ELSPBP1: variants seen among roughly 807,000 people sequenced by gnomAD.
ELSPBP1 encodes the protein epididymal sperm binding protein 1.
ELSPBP1 carries 38 observed loss-of-function variants against 33.3 expected under a neutral mutation model. That is an observed-to-expected ratio of 1.14 (90% confidence interval 0.88 to 1.50). The LOEUF (loss-of-function observed/expected upper bound fraction) is 1.50, where lower values mean the gene tolerates loss of function less well. Ranked by LOEUF, ELSPBP1 falls within the 40% of genes most tolerant of loss-of-function variation. The pLI, the probability that ELSPBP1 is intolerant of heterozygous loss-of-function variation, is 0.00. For synonymous variants in ELSPBP1, 85 were observed against 94.1 expected, an observed-to-expected ratio of 0.90 and a Z score of 0.56; for missense variants, 267 against 263.5, an observed-to-expected ratio of 1.01 and a Z score of -0.09.
intron 1 of ELSPBP1, among the ~76,000 whole-genome samples, chr19:48,002,723 C>T (rs1268984765): frequency 6.6e-6 from 1 of 152,138 alleles, no homozygotes; most frequent in Non-Finnish European, 1.5e-5. Context: ...ACCGGGGAGG[C>T]GGAGGTTGCA....
chr19:48,022,393 A>T (rs993704566), intron 6 of ELSPBP1, 59 bp downstream of exon 6: 2 of 1,448,906 alleles, frequency 1.4e-6, no homozygotes, highest in African/African-American at 2.9e-5. Context: ...CAGGTGCACA[A>T]CTGGTGTGTC....
At chr19:48,018,466 A>C (rs912955428) in intron 4 of ELSPBP1, among the ~76,000 whole-genome samples, 13 of 152,168 alleles carry the variant, frequency 8.5e-5, no homozygotes, top group Non-Finnish European at 1.0e-4. Flanking sequence ...CTTACCATCT[A>C]TGTGATCTTG....
chr19:48,021,813 C>T (rs78268341), intron 5 of ELSPBP1, among the ~76,000 whole-genome samples: 2 of 152,142 alleles, frequency 1.3e-5, no homozygotes, highest in East Asian at 1.9e-4. Context: ...GTGGTGCAAT[C>T]ATGGCTCAAT....
At chr19:47,998,425 A>AAATC (rs1033846315) in intron 1 of ELSPBP1, among the ~76,000 whole-genome samples, 19 of 151,796 alleles carry the variant, frequency 1.3e-4, no homozygotes, top group East Asian at 3.9e-4. Context: ...AAAAGAAAAA[A>AAATC]AATCAATCAA....
chr19:48,012,388 G>C (rs1484309775), intron 2 of ELSPBP1, among the ~76,000 whole-genome samples: 2 of 152,054 alleles, frequency 1.3e-5, no homozygotes, highest in Non-Finnish European at 2.9e-5. Flanking sequence ...AAAGTGCTGG[G>C]ATTACAGGCA....
At chr19:48,021,006 G>C (rs1967194107) in intron 5 of ELSPBP1, among the ~76,000 whole-genome samples, 2 of 152,154 alleles carry the variant, frequency 1.3e-5, no homozygotes, top group Non-Finnish European at 2.9e-5. Context: ...AGCAAAAATT[G>C]AGACCCATTT....
rs528582517 is a variant in ELSPBP1, at chr19:48,013,546, G to A, written c.71-625G>A. 5.3e-5 allele frequency among the ~76,000 whole-genome samples: 8 copies of A among 152,078 alleles called. No homozygotes were observed. The East Asian group carries it at 5.8e-4, about 11-fold the overall frequency. On this transcript the variant is annotated intron_variant, in intron 2 of 6. Coordinates refer to ENST00000339841, the MANE Select transcript of ELSPBP1 (RefSeq NM_022142.5). ...AGCCTGGCCAACATGGCAAAACCCC[G>A]TCTCTACTAAAAATACAAAAATTTG...
chr19:47,995,644 C>T (rs1343467815), intron 1 of ELSPBP1, among the ~76,000 whole-genome samples: 2 of 152,114 alleles, frequency 1.3e-5, no homozygotes, highest in African/African-American at 4.8e-5. Flanking sequence ...GATCTGGGGT[C>T]ATTTGCTGCT....
In ELSPBP1 at chr19:48,011,947, G is replaced by C. The variant is rs1374923855; in HGVS notation, c.71-2224G>C. Among the ~76,000 whole-genome samples the C allele has an allele frequency of 6.6e-6, 1 of 152,070 alleles. No individual in the cohort carries two copies. The highest frequency in any genetic ancestry group is 1.9e-4 in the East Asian group (1 of 5,198). On this transcript the variant is annotated intron_variant, in intron 2 of 6. Coordinates refer to ENST00000339841, the MANE Select transcript of ELSPBP1 (RefSeq NM_022142.5). The surrounding 1 kb of genome is among the most constrained non-coding windows in gnomAD (Gnocchi z 4.5). ...TGAAAAATGCAATGAACTAACAGTT[G>C]AGCAAGTTGAGCTCTCATCCCAGGT...
intron 1 of ELSPBP1, among the ~76,000 whole-genome samples, chr19:48,005,270 G>A (rs553549548): frequency 6.6e-6 from 1 of 152,170 alleles, no homozygotes; most frequent in Non-Finnish European, 1.5e-5. Flanking sequence ...GTAGAGGAGA[G>A]AGGCTGGAGG....
At chr19:48,023,529 G>GGGGC (rs143871056) in intron 6 of ELSPBP1, among the ~76,000 whole-genome samples, 2 of 106,890 alleles carry the variant, frequency 1.9e-5, no homozygotes, top group Admixed American at 9.6e-5. Context: ...GGAAGGAAGG[G>GGGGC]AGGAAGGAAA....
intron 3 of ELSPBP1, 132 bp downstream of exon 3, chr19:48,014,440 C>A: frequency 1.0e-6 from 1 of 959,866 alleles, no homozygotes; most frequent in Non-Finnish European, 1.4e-6. Context: ...GTAGAAAAGG[C>A]TCTGGGTTTT....
Position 47,995,309 on chromosome 19 carries a change from T to C in ELSPBP1, c.-18+498T>C, listed in dbSNP as rs1032990691. ...GGGTTAAACCAGATTCTATGAATGA[T>C]GTAATGCTAAGGAAGGTTGCCTGAA... On this transcript the variant is annotated intron_variant, in intron 1 of 6. Coordinates refer to ENST00000339841, the MANE Select transcript of ELSPBP1 (RefSeq NM_022142.5). Among the ~76,000 whole-genome samples the C allele has an allele frequency of 2.6e-5, 4 of 152,290 alleles. No homozygotes were observed. In the East Asian group the frequency reaches 5.8e-4, roughly 22 times the overall value.
intron 1 of ELSPBP1, among the ~76,000 whole-genome samples, chr19:48,002,742 A>G (rs1346649310): frequency 2.0e-5 from 3 of 152,236 alleles, no homozygotes; most frequent in African/African-American, 7.2e-5. Context: ...CAGTGAGCTA[A>G]GATCGTGCCA....
intron 2 of ELSPBP1, among the ~76,000 whole-genome samples, chr19:48,009,535 C>T (rs1967056609): frequency 1.3e-5 from 2 of 152,216 alleles, no homozygotes; most frequent in South Asian, 4.1e-4. Context: ...GTGAGTCATT[C>T]TTCACAATTA....
intron 1 of ELSPBP1, among the ~76,000 whole-genome samples, chr19:47,995,949 T>C (rs1173827988): frequency 6.6e-6 from 1 of 152,224 alleles, no homozygotes; most frequent in Non-Finnish European, 1.5e-5. Flanking sequence ...GGCTGTGGGC[T>C]AAGCTGCCTC....
At chr19:48,005,285 A>C (rs1967006656) in intron 1 of ELSPBP1, among the ~76,000 whole-genome samples, 2 of 152,190 alleles carry the variant, frequency 1.3e-5, no homozygotes, top group Non-Finnish European at 2.9e-5. Flanking sequence ...TGGAGGCTGC[A>C]TATCAGTGAG....
chr19:47,995,228 T>C (rs1839342960), intron 1 of ELSPBP1, among the ~76,000 whole-genome samples: 1 of 150,920 alleles, frequency 6.6e-6, no homozygotes, highest in Admixed American at 6.6e-5. Flanking sequence ...CCAGAGAAAG[T>C]AGGGAAGGTG....
chr19:48,024,072 CG>C (rs1967245021), intron 6 of ELSPBP1, among the ~76,000 whole-genome samples: 1 of 144,814 alleles, frequency 6.9e-6, no homozygotes, highest in Admixed American at 7.1e-5. Flanking sequence ...TTAGTAGAGA[CG>C]GGGTTTCACC....
Sources: gnomAD v4.1 joint callset for allele counts (sites outside exome capture counted in the v4.1 genomes callset) on GRCh38, gnomAD v4.1.1 for gene constraint, Gnocchi (gnomAD v3.1) non-coding constraint, MANE v1.5 for transcripts, NCBI Gene and HGNC (gene_info 2026-07-23, HGNC 2026-07-21) for gene names.